SLC25A26: variants seen among roughly 807,000 people sequenced by gnomAD.
SLC25A26 encodes the protein mitochondrial S-adenosylmethionine carrier protein.
Under a neutral mutation model 37.8 loss-of-function variants are expected in SLC25A26, and 36 were observed. That is an observed-to-expected ratio of 0.95 (90% CI 0.73 to 1.26). SLC25A26 has a LOEUF of 1.26. SLC25A26 is among the 50% of genes most tolerant of loss of function. The pLI is 0.00. For synonymous variants in SLC25A26, 129 were observed against 122.5 expected, an observed-to-expected ratio of 1.05 and a Z score of -0.35; for missense variants, 390 against 331.1, an observed-to-expected ratio of 1.18 and a Z score of -1.38.
At chr3:66,181,164 A>C (rs1404803331) in intron 1 of SLC25A26, among the ~76,000 whole-genome samples, 1 of 152,228 alleles carries the variant, frequency 6.6e-6, no homozygotes, top group African/African-American at 2.4e-5. Context: ...CAACTAATAC[A>C]ATGTCTTTTA....
rs372355435 is a variant in SLC25A26 at position 66,298,331 on chromosome 3, A to C, written c.453+34952A>C. ...TGGTGAAATTAATATTTTCTCTAGT[A>C]AAACTCCTTGTCATAAATTGTGGAT... On this transcript the variant is annotated intron_variant, in intron 5 of 9. Transcript: ENST00000354883. Among the ~76,000 whole-genome samples, 72 of 152,364 alleles carry C rather than the reference A, an allele frequency of 4.7e-4. 2 individuals are homozygous for C. In the South Asian group the frequency reaches 0.014, roughly 31 times the overall value.
At chr3:66,145,992 A>G (rs573119674) in intron 1 of SLC25A26, among the ~76,000 whole-genome samples, 1 of 152,212 alleles carries the variant, frequency 6.6e-6, no homozygotes, top group Admixed American at 6.5e-5. Context: ...CCTGTTTAAC[A>G]TGAAAGTAGA....
chr3:66,262,562 C>T (rs932096624), intron 4 of SLC25A26, among the ~76,000 whole-genome samples: 1 of 152,172 alleles, frequency 6.6e-6, no homozygotes, highest in Non-Finnish European at 1.5e-5. Flanking sequence ...GCTTCTTTTA[C>T]AGATGTATTT....
At chr3:66,353,283 T>C (rs1318300160) in intron 6 of SLC25A26, among the ~76,000 whole-genome samples, 1 of 152,034 alleles carries the variant, frequency 6.6e-6, no homozygotes, top group Non-Finnish European at 1.5e-5. Context: ...TTTTCAAAGC[T>C]ACAGTGTGCC....
intron 6 of SLC25A26, among the ~76,000 whole-genome samples, chr3:66,361,229 A>G (rs182260968): frequency 3.5e-4 from 53 of 152,334 alleles, no homozygotes; most frequent in Middle Eastern, 6.8e-3. Flanking sequence ...ATATTGTACC[A>G]TATATAAAAA....
At chr3:66,309,926 G>C (rs865853727) in intron 5 of SLC25A26, among the ~76,000 whole-genome samples, 1 of 152,124 alleles carries the variant, frequency 6.6e-6, no homozygotes. Context: ...CATTTATGTG[G>C]TCGATTTTAG....
chr3:66,328,215 T>A (rs1388722235), intron 5 of SLC25A26, among the ~76,000 whole-genome samples: 1 of 152,172 alleles, frequency 6.6e-6, no homozygotes, highest in African/African-American at 2.4e-5. Context: ...TGTAATGATA[T>A]GAAAAGAGAA....
chr3:66,144,821 C>T (rs1278320636), intron 1 of SLC25A26, among the ~76,000 whole-genome samples: 1 of 152,152 alleles, frequency 6.6e-6, no homozygotes, highest in Admixed American at 6.6e-5. Flanking sequence ...AGCATGACTT[C>T]AAAACTCTAA....
At chr3:66,307,455 C>G (rs1194278419) in intron 5 of SLC25A26, among the ~76,000 whole-genome samples, 1 of 151,906 alleles carries the variant, frequency 6.6e-6, no homozygotes, top group Non-Finnish European at 1.5e-5. Context: ...CTGTAGGTTG[C>G]CTGTTCACTC....
At chr3:66,292,373 A>G (rs2074742496) in intron 5 of SLC25A26, among the ~76,000 whole-genome samples, 1 of 152,092 alleles carries the variant, frequency 6.6e-6, no homozygotes, top group Non-Finnish European at 1.5e-5. Context: ...CTATTAATTG[A>G]TGCAGTTTCT....
At position 66,236,537 on chromosome 3, in the gene SLC25A26, T is replaced by C. The variant is rs2072296270; in HGVS notation, c.34-7T>C. 1.4e-6 allele frequency: 2 copies of C among 1,428,800 alleles called. No homozygotes were observed. The highest frequency in any genetic ancestry group is 1.5e-5 in the South Asian group (1 of 66,580). The allele number at this position is 1,428,800 out of a possible 1,614,324, so 88.5% of individuals were successfully genotyped here. A position where few individuals can be genotyped will look rare whatever the true frequency, so the allele number is the denominator to read the frequency against. The stretch of plus-strand genomic sequence containing the variant: ...TTTTCTTTTTCTTCCCTCTTTTTTT[T>C]TCAAAGGCTGGTGGGGTAGCAGGTG... On this transcript the variant is annotated splice_polypyrimidine_tract_variant and splice_region_variant and intron_variant, in intron 1 of 9. Transcript: ENST00000354883.
intron 7 of SLC25A26, among the ~76,000 whole-genome samples, chr3:66,363,760 G>T (rs539311239): frequency 6.6e-6 from 1 of 152,098 alleles, no homozygotes; most frequent in Non-Finnish European, 1.5e-5. Context: ...TTTGTTTAAT[G>T]GTCATTTTTG....
At chr3:66,209,090 GTA>G (rs1212142217) in intron 1 of SLC25A26, among the ~76,000 whole-genome samples, 4,602 of 46,170 alleles carry the variant, frequency 0.1, 288 homozygotes, top group South Asian at 0.18. Flanking sequence ...ATATAAAGAT[GTA>G]TATATATATA....
At chr3:66,199,652 T>C (rs1170816775) in intron 1 of SLC25A26, among the ~76,000 whole-genome samples, 1 of 152,022 alleles carries the variant, frequency 6.6e-6, no homozygotes, top group African/African-American at 2.4e-5. Flanking sequence ...TTTACCTTCA[T>C]TGTGACACTA....
intron 5 of SLC25A26, among the ~76,000 whole-genome samples, chr3:66,272,338 A>T (rs1376514411): frequency 6.6e-6 from 1 of 152,060 alleles, no homozygotes; most frequent in Non-Finnish European, 1.5e-5. Flanking sequence ...AAACAGATAA[A>T]TTTTTTCTGG....
chr3:66,367,789 C>A (rs894598391), intron 7 of SLC25A26, among the ~76,000 whole-genome samples: 19 of 151,690 alleles, frequency 1.3e-4, no homozygotes, highest in African/African-American at 4.1e-4. Context: ...TTTTCCAGGG[C>A]AGAATATATG....
chr3:66,353,097 G>C (rs902823050), intron 6 of SLC25A26, among the ~76,000 whole-genome samples: 3 of 152,098 alleles, frequency 2.0e-5, no homozygotes, highest in African/African-American at 7.2e-5. Flanking sequence ...CCAGAGAGGT[G>C]GGCCTTGTTG....
intron 6 of SLC25A26, among the ~76,000 whole-genome samples, chr3:66,360,022 T>C (rs2076662816): frequency 2.0e-5 from 3 of 152,308 alleles, no homozygotes; most frequent in Middle Eastern, 3.4e-3. Flanking sequence ...CTGTCACATA[T>C]TTAATTTGTT....
At chr3:66,299,046 TTGTGTGTGTGTA>T (rs2074992662) in intron 5 of SLC25A26, among the ~76,000 whole-genome samples, 1 of 152,100 alleles carries the variant, frequency 6.6e-6, no homozygotes, top group South Asian at 2.1e-4. Context: ...GACCCTTGGT[TTGTGTGTGTGTA>T]TGTGTGTGTA....
Sources: gnomAD v4.1 joint callset for allele counts (sites outside exome capture counted in the v4.1 genomes callset) on GRCh38, gnomAD v4.1.1 for gene constraint, MANE v1.5 for transcripts, NCBI Gene and HGNC (gene_info 2026-07-23, HGNC 2026-07-21) for gene names.